The following SAMD5 variants were observed in gnomAD, a reference collection of about 807,000 sequenced individuals.
SAMD5 encodes the protein sterile alpha motif domain-containing protein 5.
SAMD5 carries 13 observed loss-of-function variants against 11.3 expected under a neutral mutation model. The observed-to-expected ratio is 1.15, with a 90% CI of 0.75 to 1.83. The LOEUF is 1.83. SAMD5 is among the 40% of genes most tolerant of loss of function. The probability of loss-of-function intolerance (pLI) is 0.00; values close to 1 mark genes in which losing one functional copy is unlikely to be tolerated. For synonymous variants in SAMD5, 129 were observed against 111.3 expected, an observed-to-expected ratio of 1.16 and a Z score of -1.00; for missense variants, 255 against 239.1, an observed-to-expected ratio of 1.07 and a Z score of -0.44.
At chr6:147,549,251 G>A (rs747144157) in intron 1 of SAMD5, among the ~76,000 whole-genome samples, 15 of 152,174 alleles carry the variant, frequency 9.9e-5, no homozygotes, top group African/African-American at 3.6e-4. Flanking sequence ...TTGCAGCCAC[G>A]GTTGAGCAAA....
intron 1 of SAMD5, among the ~76,000 whole-genome samples, chr6:147,581,726 C>T (rs1468011814): frequency 6.6e-6 from 1 of 152,056 alleles, no homozygotes; most frequent in Non-Finnish European, 1.5e-5. Context: ...GGTGTCAGAA[C>T]AGGTGACAAG....
the SAMD5 span, among the ~76,000 whole-genome samples, chr6:147,748,193 T>A: frequency 3.3e-5 from 5 of 152,082 alleles, no homozygotes; most frequent in African/African-American, 9.7e-5. Context: ...TGAAATGGAG[T>A]CCACCATGTA....
the SAMD5 span, among the ~76,000 whole-genome samples, chr6:147,939,043 C>T: frequency 6.6e-6 from 1 of 152,130 alleles, no homozygotes; most frequent in Non-Finnish European, 1.5e-5. Context: ...CCCACAACCC[C>T]CTCCTAAGTT....
intron 1 of SAMD5, among the ~76,000 whole-genome samples, chr6:147,644,985 C>A (rs1315069175): frequency 1.3e-5 from 2 of 152,138 alleles, no homozygotes; most frequent in African/African-American, 4.8e-5. Context: ...AATCAGAGGT[C>A]AGGATGCTCA....
At chr6:147,661,610 C>T (rs1790649073) in intron 1 of SAMD5, among the ~76,000 whole-genome samples, 1 of 152,054 alleles carries the variant, frequency 6.6e-6, no homozygotes, top group South Asian at 2.1e-4. Context: ...TCATTAAAAC[C>T]ACTCTTTGTG....
intron 1 of SAMD5, among the ~76,000 whole-genome samples, chr6:147,535,567 G>C (rs1788496276): frequency 6.6e-6 from 1 of 152,090 alleles, no homozygotes; most frequent in African/African-American, 2.4e-5. Flanking sequence ...TGATAGAACT[G>C]ATTTGTTTAC....
chr6:147,638,756 A>G (rs773067978), intron 1 of SAMD5, among the ~76,000 whole-genome samples: 7 of 152,190 alleles, frequency 4.6e-5, no homozygotes, highest in South Asian at 4.1e-4. Flanking sequence ...TTTATTCTTC[A>G]TAAATGTGTC....
At chr6:147,862,252 G>A in the SAMD5 span, among the ~76,000 whole-genome samples, 5 of 151,974 alleles carry the variant, frequency 3.3e-5, no homozygotes, top group South Asian at 4.2e-4. Context: ...TTTCTCCCTC[G>A]AGAGTATGTT....
intron 1 of SAMD5, among the ~76,000 whole-genome samples, chr6:147,620,422 G>A (rs73787332): frequency 0.04 from 6,048 of 152,242 alleles, 339 homozygotes; most frequent in African/African-American, 0.13. Context: ...CATTTGATTC[G>A]CATTTCTATG....
At chr6:147,798,690 T>C in the SAMD5 span, among the ~76,000 whole-genome samples, 3 of 152,078 alleles carry the variant, frequency 2.0e-5, no homozygotes, top group Non-Finnish European at 2.9e-5. Context: ...CCATTATTAA[T>C]GTGTGGGAGT....
At chr6:147,932,501 C>A in the SAMD5 span, among the ~76,000 whole-genome samples, 1 of 151,968 alleles carries the variant, frequency 6.6e-6, no homozygotes, top group African/African-American at 2.4e-5. Flanking sequence ...TTAACTCAAG[C>A]AAATACTAAA....
chr6:147,916,173 T>A, the SAMD5 span, among the ~76,000 whole-genome samples: 1 of 152,238 alleles, frequency 6.6e-6, no homozygotes, highest in East Asian at 1.9e-4. Flanking sequence ...TTGGGTTGGT[T>A]CCAAGTCTTT....
At chr6:147,630,513 T>C (rs1335089699) in intron 1 of SAMD5, among the ~76,000 whole-genome samples, 5 of 152,078 alleles carry the variant, frequency 3.3e-5, no homozygotes, top group Non-Finnish European at 7.4e-5. Context: ...TCCTGGCTCA[T>C]CCTGACTCAA....
At chr6:147,886,138 C>T in the SAMD5 span, among the ~76,000 whole-genome samples, 3 of 152,218 alleles carry the variant, frequency 2.0e-5, no homozygotes, top group East Asian at 5.8e-4. Context: ...ACAATCATGA[C>T]TCATTATTGA....
chr6:147,508,963 C>T lies in SAMD5; in HGVS notation c.35C>T (p.Ala12Val). The T allele has an allele frequency of 6.2e-7, 1 of 1,601,674 alleles. No individual in the cohort carries two copies. The highest frequency in any genetic ancestry group is 8.5e-7 in the Non-Finnish European group (1 of 1,174,562). ...AACATAGTTTACGAGTGGCTCAAAG[C>T]GCTGCAGCTTCCGCAGTACGCGGAG... The part of the protein sequence containing the change: ...CTNIVYEWLK[A>V]LQLPQYAESF... Residue 12 changes from alanine (A) to valine (V), a missense_variant, in exon 1 of 2, where the codon GCG (alanine) becomes GTG (valine). Ala to Val is a moderately conservative substitution (Grantham distance 64). Transcript: ENST00000367474.
At chr6:147,543,270 A>G (rs1788634157) in intron 1 of SAMD5, among the ~76,000 whole-genome samples, 1 of 152,224 alleles carries the variant, frequency 6.6e-6, no homozygotes, top group African/African-American at 2.4e-5. Context: ...ATTTGCCTAA[A>G]CACACATGTT....
chr6:147,716,352 G>A lies in SAMD5; in HGVS notation c.163-20965G>A, dbSNP rs575812659. ...AGATCAGAGTGGGTGCTAGGAGCAGGGAGAGGCCAGGCAGTGGGAGCAGAC... is the reference window on the plus strand; with the variant it reads ...AGATCAGAGTGGGTGCTAGGAGCAGAGAGAGGCCAGGCAGTGGGAGCAGAC... On this transcript the variant is annotated intron_variant, in intron 1 of 1. Coordinates refer to the SAMD5 transcript ENST00000566741. Among the ~76,000 whole-genome samples the A allele has an allele frequency of 6.6e-5, 10 of 152,340 alleles. No individual in the cohort carries two copies. The East Asian group carries it at 1.5e-3, about 24-fold the overall frequency.
the SAMD5 span, among the ~76,000 whole-genome samples, chr6:147,893,887 G>T: frequency 1.3e-5 from 2 of 152,012 alleles, no homozygotes; most frequent in Non-Finnish European, 2.9e-5. Context: ...GCATAGACAG[G>T]TTTAGATAAA....
In SAMD5 at chr6:147,517,162, A is replaced by T. The variant is rs573188035; in HGVS notation, c.459+7775A>T. Among the ~76,000 whole-genome samples the T allele has an allele frequency of 4.9e-4, 74 of 152,286 alleles. No homozygotes were observed. The Middle Eastern group carries it at 0.01, about 21-fold the overall frequency. The stretch of plus-strand genomic sequence containing the variant: ...AGATCCAAACAGCATAATGTCATCA[A>T]TGTAATGGACAACAATGATGTCTTG... On this transcript the variant is annotated intron_variant, in intron 1 of 1. Coordinates refer to ENST00000367474, the MANE Select transcript of SAMD5 (RefSeq NM_001030060.3).
Sources: gnomAD v4.1 joint callset for allele counts (sites outside exome capture counted in the v4.1 genomes callset) on GRCh38, gnomAD v4.1.1 for gene constraint, MANE v1.5 for transcripts, NCBI Gene and HGNC (gene_info 2026-07-23, HGNC 2026-07-21) for gene names.